ASIC2: variants seen among roughly 807,000 people sequenced by gnomAD.
The protein encoded by ASIC2 is acid sensing ion channel subunit 2.
ASIC2 carries 25 observed loss-of-function variants against 57.3 expected under a neutral mutation model. That is an observed-to-expected ratio of 0.44 (90% CI 0.32 to 0.61). The LOEUF (loss-of-function observed/expected upper bound fraction) is 0.61, where lower values mean the gene tolerates loss of function less well. ASIC2 is among the 20% of genes least tolerant of loss of function. The pLI, the probability that ASIC2 is intolerant of heterozygous loss-of-function variation, is 0.06. For missense variants in ASIC2, 641 were observed against 738.1 expected, an observed-to-expected ratio of 0.87 and a Z score of 1.52; for synonymous variants, 319 against 307.5, an observed-to-expected ratio of 1.04 and a Z score of -0.39.
chr17:33,721,606 C>A (rs187967750), intron 1 of ASIC2, among the ~76,000 whole-genome samples: 2 of 152,294 alleles, frequency 1.3e-5, no homozygotes, highest in South Asian at 2.1e-4. Flanking sequence ...AGAAATAAAC[C>A]TTTAACATTT....
chr17:33,223,583 T>G (rs1228030233), intron 1 of ASIC2, among the ~76,000 whole-genome samples: 1 of 152,250 alleles, frequency 6.6e-6, no homozygotes, highest in East Asian at 1.9e-4. Context: ...AATTAATTAG[T>G]GTACTTTGTG....
intron 1 of ASIC2, among the ~76,000 whole-genome samples, chr17:33,126,829 G>A (rs549313662): frequency 2.0e-5 from 3 of 146,768 alleles, no homozygotes; most frequent in Admixed American, 1.3e-4. Context: ...CATGTCAGGC[G>A]AACCTCCCAG....
chr17:33,147,881 C>T (rs1480722366), intron 1 of ASIC2, among the ~76,000 whole-genome samples: 2 of 152,260 alleles, frequency 1.3e-5, no homozygotes, highest in Non-Finnish European at 2.9e-5. Flanking sequence ...GTGCTGTGGG[C>T]GCTGGTTTTC....
At chr17:33,244,033 A>C (rs1439681442) in intron 1 of ASIC2, among the ~76,000 whole-genome samples, 1 of 152,196 alleles carries the variant, frequency 6.6e-6, no homozygotes, top group Non-Finnish European at 1.5e-5. Context: ...CCGCTTCTAT[A>C]TGCTCATGAG....
At chr17:33,626,632 G>A (rs1033229254) in intron 1 of ASIC2, among the ~76,000 whole-genome samples, 3 of 152,140 alleles carry the variant, frequency 2.0e-5, no homozygotes, top group African/African-American at 4.8e-5. Flanking sequence ...AATCGAAGCT[G>A]TGTTTGTGTG....
chr17:33,358,225 A>G (rs897295444), intron 1 of ASIC2, among the ~76,000 whole-genome samples: 3 of 152,206 alleles, frequency 2.0e-5, no homozygotes, highest in Admixed American at 6.5e-5. Flanking sequence ...ATTTGTTTGT[A>G]TATATTTTTG....
intron 1 of ASIC2, among the ~76,000 whole-genome samples, chr17:33,558,531 G>A (rs1186582466): frequency 1.3e-5 from 2 of 152,108 alleles, no homozygotes; most frequent in African/African-American, 4.8e-5. Flanking sequence ...ATCTGGTTGA[G>A]GATTGTTTTT....
intron 1 of ASIC2, among the ~76,000 whole-genome samples, chr17:33,313,702 G>A (rs1906527415): frequency 6.6e-6 from 1 of 152,150 alleles, no homozygotes; most frequent in African/African-American, 2.4e-5. Context: ...AAAGCTGATT[G>A]AATCTCTGCT....
At chr17:33,424,050 C>A (rs1299137371) in intron 1 of ASIC2, among the ~76,000 whole-genome samples, 1 of 152,198 alleles carries the variant, frequency 6.6e-6, no homozygotes, top group East Asian at 1.9e-4. Flanking sequence ...TCCCCTTCTA[C>A]CCCAGGAGAT....
chr17:33,193,622 T>C (rs914428019), intron 1 of ASIC2, among the ~76,000 whole-genome samples: 2 of 152,180 alleles, frequency 1.3e-5, no homozygotes, highest in African/African-American at 2.4e-5. Flanking sequence ...AGGTACAGCA[T>C]GTGGAAGTAC....
At chr17:33,812,377 C>A (rs57135816) in intron 1 of ASIC2, among the ~76,000 whole-genome samples, 2 of 152,180 alleles carry the variant, frequency 1.3e-5, no homozygotes, top group African/African-American at 4.8e-5. Flanking sequence ...GATTAAGAAG[C>A]TTTATCATTG....
chr17:33,768,313 A>AT (rs1045444086), intron 1 of ASIC2, among the ~76,000 whole-genome samples: 69 of 152,142 alleles, frequency 4.5e-4, no homozygotes, highest in African/African-American at 1.6e-3. Context: ...GCCCATATAC[A>AT]TTTTTTTAAA....
intron 1 of ASIC2, among the ~76,000 whole-genome samples, chr17:33,569,621 A>AT (rs1916364700): frequency 6.6e-6 from 1 of 152,050 alleles, no homozygotes; most frequent in African/African-American, 2.4e-5. Flanking sequence ...CCATCCATCC[A>AT]TCCATCCATG....
At chr17:33,370,380 C>T (rs977725348) in intron 1 of ASIC2, among the ~76,000 whole-genome samples, 9 of 152,232 alleles carry the variant, frequency 5.9e-5, no homozygotes, top group African/African-American at 1.7e-4. Context: ...CCATGCTCTG[C>T]TTTCCAACAA....
chr17:33,764,269 A>T (rs187481696), intron 1 of ASIC2, among the ~76,000 whole-genome samples: 11 of 151,542 alleles, frequency 7.3e-5, no homozygotes, highest in African/African-American at 2.2e-4. Context: ...GTGAGCCCAG[A>T]TCGCGCCACT....
At chr17:33,844,012 G>A (rs1326270100) in intron 1 of ASIC2, among the ~76,000 whole-genome samples, 1 of 152,134 alleles carries the variant, frequency 6.6e-6, no homozygotes, top group African/African-American at 2.4e-5. Flanking sequence ...AGATATAGAG[G>A]TGTTCAGGCA....
At chr17:33,457,989 G>C (rs1567618906) in intron 1 of ASIC2, among the ~76,000 whole-genome samples, 1 of 152,148 alleles carries the variant, frequency 6.6e-6, no homozygotes, top group African/African-American at 2.4e-5. Context: ...TCACATAAAT[G>C]CTGTGGTAGA....
intron 1 of ASIC2, among the ~76,000 whole-genome samples, chr17:33,347,607 T>G (rs1907997752): frequency 6.6e-6 from 1 of 152,060 alleles, no homozygotes; most frequent in African/African-American, 2.4e-5. Flanking sequence ...GGGGGTGAGA[T>G]GTATAGGATC....
chr17:33,885,730 G>A (rs1301986035), intron 1 of ASIC2, among the ~76,000 whole-genome samples: 1 of 152,108 alleles, frequency 6.6e-6, no homozygotes, highest in Non-Finnish European at 1.5e-5. Context: ...CACTTTTCAA[G>A]GCCTAATTCA....
Sources: allele counts gnomAD v4.1 joint callset (sites outside exome capture counted in the v4.1 genomes callset), GRCh38; gene constraint gnomAD v4.1.1; transcripts MANE v1.5; gene names NCBI Gene and HGNC (gene_info 2026-07-23, HGNC 2026-07-21).